DCC: variants seen among roughly 807,000 people sequenced by gnomAD.
DCC encodes the protein DCC netrin 1 receptor.
Under a neutral mutation model 172.5 loss-of-function variants are expected in DCC, and 58 were observed. The ratio of observed to expected loss-of-function variants is 0.34; its 90% CI spans 0.27 to 0.42. DCC has a LOEUF of 0.42. Among genes scored for constraint, DCC ranks in the 10% least tolerant of loss-of-function variants. DCC has a pLI of 1.00. For missense variants in DCC, 1,740 were observed against 1,791.0 expected, an observed-to-expected ratio of 0.97 and a Z score of 0.51; for synonymous variants, 709 against 644.5, an observed-to-expected ratio of 1.10 and a Z score of -1.52.
chr18:53,224,223 G>A (rs1004340971), intron 12 of DCC, among the ~76,000 whole-genome samples: 2 of 152,136 alleles, frequency 1.3e-5, no homozygotes, highest in Admixed American at 6.6e-5. Context: ...AACTCTTAAG[G>A]AGATGAGCTG....
At chr18:52,879,039 TA>T (rs34701403) in intron 2 of DCC, among the ~76,000 whole-genome samples, 2 of 152,170 alleles carry the variant, frequency 1.3e-5, no homozygotes, top group South Asian at 4.1e-4. Flanking sequence ...GGAAGTGTAC[TA>T]AAAAGACTCC....
intron 1 of DCC, among the ~76,000 whole-genome samples, chr18:52,658,193 G>A (rs939824983): frequency 6.6e-6 from 1 of 152,172 alleles, no homozygotes; most frequent in Non-Finnish European, 1.5e-5. Context: ...TTATGGGTGA[G>A]GTGGGGAGTG....
intron 9 of DCC, among the ~76,000 whole-genome samples, chr18:53,179,846 G>A (rs532217917): frequency 5.9e-5 from 9 of 152,084 alleles, no homozygotes; most frequent in Admixed American, 3.3e-4. Context: ...TGAGTCATTC[G>A]CCAAATTTGT....
chr18:52,556,257 C>T (rs1188224737), intron 1 of DCC, among the ~76,000 whole-genome samples: 1 of 152,070 alleles, frequency 6.6e-6, no homozygotes, highest in Non-Finnish European at 1.5e-5. Context: ...AAAGTTGTAA[C>T]ACAAAACAAC....
At chr18:52,990,417 G>A (rs1043272817) in intron 5 of DCC, among the ~76,000 whole-genome samples, 8 of 151,802 alleles carry the variant, frequency 5.3e-5, no homozygotes, top group African/African-American at 1.9e-4. Context: ...GTCCATGCCT[G>A]TAATCCCAGC....
intron 5 of DCC, among the ~76,000 whole-genome samples, chr18:52,971,477 A>G (rs1046823213): frequency 1.3e-5 from 2 of 151,776 alleles, no homozygotes; most frequent in African/African-American, 4.8e-5. Flanking sequence ...TATCGCCTTG[A>G]GATACAGGGA....
At chr18:53,439,975 C>T (rs1027246143) in intron 22 of DCC, among the ~76,000 whole-genome samples, 3 of 151,096 alleles carry the variant, frequency 2.0e-5, no homozygotes, top group African/African-American at 4.9e-5. Context: ...CCGTTTTAGC[C>T]GGGATGGTCT....
intron 5 of DCC, among the ~76,000 whole-genome samples, chr18:52,969,711 C>A (rs1399785222): frequency 6.6e-6 from 1 of 150,460 alleles, no homozygotes; most frequent in Non-Finnish European, 1.5e-5. Flanking sequence ...TTCTTAATTG[C>A]TTATGTTTTC....
intron 13 of DCC, among the ~76,000 whole-genome samples, chr18:53,312,361 A>AG (rs1212305232): frequency 3.5e-5 from 2 of 56,348 alleles, no homozygotes; most frequent in East Asian, 1.1e-3. Context: ...AAAAAAAAAA[A>AG]AAGAAAAAGA....
chr18:53,303,084 C>T (rs1363426649), intron 12 of DCC, among the ~76,000 whole-genome samples: 1 of 152,046 alleles, frequency 6.6e-6, no homozygotes, highest in Non-Finnish European at 1.5e-5. Context: ...ATTTTTCCTG[C>T]TTTTTTATTC....
chr18:52,818,733 T>A (rs554567641), intron 2 of DCC, among the ~76,000 whole-genome samples: 1 of 152,300 alleles, frequency 6.6e-6, no homozygotes, highest in South Asian at 2.1e-4. Flanking sequence ...GCTAAACACA[T>A]ACTTGGTCAT....
intron 1 of DCC, among the ~76,000 whole-genome samples, chr18:52,655,591 T>C (rs67750501): frequency 0.031 from 4,738 of 152,220 alleles, 118 homozygotes; most frequent in Admixed American, 0.079. Context: ...AAAATGCCCA[T>C]TTTTATTTAA....
intron 2 of DCC, among the ~76,000 whole-genome samples, chr18:52,791,472 G>GT (rs374755724): frequency 0.073 from 10,713 of 146,422 alleles, 472 homozygotes; most frequent in Non-Finnish European, 0.11. Context: ...TTTGTGTTTT[G>GT]TTTTTTTTTT....
At position 52,652,563 on chromosome 18, in the gene DCC, G is replaced by A. The variant is rs184352897; in HGVS notation, c.92-99491G>A. Among the ~76,000 whole-genome samples, 21 of 152,188 alleles carry A rather than the reference G, an allele frequency of 1.4e-4. 1 individual carries two copies. The highest frequency in any genetic ancestry group is 2.2e-4 in the Non-Finnish European group (15 of 68,020). ...GACAGTAGAACAAAGAGGTTTCCGT[G>A]GCTCTGCCTGGATTTCACACGGGCC... On this transcript the variant is annotated intron_variant, in intron 1 of 28. Transcript: ENST00000442544.
chr18:53,287,027 T>A (rs1202985110), intron 12 of DCC, among the ~76,000 whole-genome samples: 2 of 152,142 alleles, frequency 1.3e-5, no homozygotes, highest in Non-Finnish European at 2.9e-5. Context: ...TGGTATTTAA[T>A]TTACACACCA....
At chr18:53,417,992 A>G (rs1910419793) in intron 21 of DCC, among the ~76,000 whole-genome samples, 1 of 152,176 alleles carries the variant, frequency 6.6e-6, no homozygotes, top group Non-Finnish European at 1.5e-5. Flanking sequence ...AAATCAGGCT[A>G]GTTCTCAGGA....
At chr18:53,519,761 GAATA>G (rs10531273) in intron 27 of DCC, among the ~76,000 whole-genome samples, 30,042 of 151,792 alleles carry the variant, frequency 0.2, 3,684 homozygotes, top group East Asian at 0.4. Context: ...TCTCCAAAGT[GAATA>G]AATAAATATG....
chr18:52,879,476 T>G (rs1482019948), intron 2 of DCC, among the ~76,000 whole-genome samples: 1 of 138,514 alleles, frequency 7.2e-6, no homozygotes, highest in Non-Finnish European at 1.5e-5. Context: ...CAGGCTGGAG[T>G]GCAGTGGCAC....
At chr18:53,032,832 AC>A (rs974392573) in intron 5 of DCC, among the ~76,000 whole-genome samples, 8 of 152,036 alleles carry the variant, frequency 5.3e-5, no homozygotes, top group African/African-American at 1.7e-4. Flanking sequence ...AAAAAGAAAA[AC>A]CTGCAGTTCA....
Sources: allele counts gnomAD v4.1 joint callset (sites outside exome capture counted in the v4.1 genomes callset), GRCh38; gene constraint gnomAD v4.1.1; transcripts MANE v1.5; gene names NCBI Gene and HGNC (gene_info 2026-07-23, HGNC 2026-07-21).